The following DDRGK1 variants were observed in gnomAD, a reference collection of about 807,000 sequenced individuals.
DDRGK1 encodes the protein DDRGK domain containing 1, also known as DDRGK domain-containing protein 1.
DDRGK1 carries 38 observed loss-of-function variants against 45.8 expected under a neutral mutation model. The observed-to-expected ratio is 0.83, with a 90% CI of 0.64 to 1.09. The LOEUF is 1.09. Among genes scored for constraint, DDRGK1 ranks in the 50% least tolerant of loss-of-function variants. DDRGK1 has a pLI of 0.00. For missense variants in DDRGK1, 403 were observed against 419.9 expected (o/e 0.96, Z 0.35); for synonymous variants, 171 against 168.7 (o/e 1.01, Z -0.11).
rs555096998 is a variant in DDRGK1, at chr20:3,203,335, G to C, written c.173C>G (p.Pro58Arg). The change falls in exon 2 of 9, where the codon CCG (proline) becomes CGG (arginine). Residue 58 changes from proline (P) to arginine (R), a missense_variant. Physicochemically the swap from Pro to Arg is moderately radical, Grantham distance 103. Coordinates refer to ENST00000354488, the MANE Select transcript of DDRGK1 (RefSeq NM_023935.3). ...GCGCCGAGGCCTGCCTCCAGCTCTC[G>C]GCTCCTCAGGCTCCAGGGGCCCAGG... is the stretch of plus-strand genomic sequence containing the variant. Reference protein sequence around the residue: ...AQPGPLEPEEPRAGGRPRRRR... With the variant: ...AQPGPLEPEERRAGGRPRRRR... 1.2e-6 allele frequency: 2 copies of C among 1,608,550 alleles called. No homozygotes were observed. Among genetic ancestry groups the C allele is most frequent in the Non-Finnish European group, 8.5e-7 (1 of 1,177,234 alleles).
At chr20:3,198,188 A>ACAAGGT (rs2067020115) in intron 4 of DDRGK1, among the ~76,000 whole-genome samples, 1 of 150,782 alleles carries the variant, frequency 6.6e-6, no homozygotes, top group South Asian at 2.1e-4. Context: ...CAGGAGGATC[A>ACAAGGT]CAAGGTCAAG....
At chr20:3,200,926 T>TGC (rs1568501412) in intron 2 of DDRGK1, among the ~76,000 whole-genome samples, 1 of 152,056 alleles carries the variant, frequency 6.6e-6, no homozygotes, top group Non-Finnish European at 1.5e-5. Flanking sequence ...CTGGCTAACA[T>TGC]GGTGAAACCT....
intron 4 of DDRGK1, among the ~76,000 whole-genome samples, chr20:3,199,146 C>G (rs1009894900): frequency 6.6e-6 from 1 of 151,942 alleles, no homozygotes; most frequent in Non-Finnish European, 1.5e-5. Flanking sequence ...CGGAGCAAGA[C>G]CCTGTCTTAA....
Position 3,195,363 on chromosome 20 carries a change from T to C in DDRGK1, c.511-10A>G, listed in dbSNP as rs2295552. 677,768 of 1,582,470 alleles carry C rather than the reference T, an allele frequency of 0.43. 146,595 individuals are homozygous for C. The highest frequency in any genetic ancestry group is 0.47 in the South Asian group (39,779 of 85,420). Reference sequence around the variant, plus strand: ...TCCTCTCCTCCTCCTCCTGTGGACATAGGAGGCAAAAGTCAGGTATCGGGG... The same window carrying C: ...TCCTCTCCTCCTCCTCCTGTGGACACAGGAGGCAAAAGTCAGGTATCGGGG... On this transcript the variant is annotated splice_polypyrimidine_tract_variant and intron_variant, in intron 4 of 8. Transcript: ENST00000354488.
intron 4 of DDRGK1, among the ~76,000 whole-genome samples, chr20:3,196,646 A>C (rs555169722): frequency 6.6e-6 from 1 of 152,128 alleles, no homozygotes; most frequent in East Asian, 1.9e-4. Context: ...GTGCCACTGC[A>C]CTCCAGCCTG....
chr20:3,199,920 G>A, intron 4 of DDRGK1, 81 bp downstream of exon 4: 1 of 1,314,082 alleles, frequency 7.6e-7, no homozygotes. Flanking sequence ...CTTCTAGGTT[G>A]GAGGTGCCAG....
intron 4 of DDRGK1, among the ~76,000 whole-genome samples, chr20:3,197,927 A>AG (rs1408773426): frequency 1.3e-5 from 2 of 150,972 alleles, no homozygotes. Flanking sequence ...ATCTCAAAAA[A>AG]AAAAAAAAAA....
chr20:3,194,929 A>G (rs2067003521), intron 5 of DDRGK1, 61 bp from the exon 6 acceptor site: 2 of 1,596,980 alleles, frequency 1.3e-6, no homozygotes, highest in African/African-American at 2.7e-5. Flanking sequence ...TTCTGTACCC[A>G]TTCACCCAAG....
At chr20:3,191,030 T>A (rs1408824071) in intron 8 of DDRGK1, among the ~76,000 whole-genome samples, 160 bp downstream of exon 8, 1 of 152,182 alleles carries the variant, frequency 6.6e-6, no homozygotes. Flanking sequence ...GGCCCTGGCA[T>A]GTCCTCCTTG....
chr20:3,195,443 G>T, intron 4 of DDRGK1, 90 bp from the exon 5 acceptor site: 1 of 1,487,464 alleles, frequency 6.7e-7, no homozygotes, highest in Non-Finnish European at 8.9e-7. Context: ...GGACACCAGA[G>T]CATATAGCCC....
chr20:3,191,389 G>A, intron 7 of DDRGK1, 151 bp from the exon 8 acceptor site: 1 of 828,438 alleles, frequency 1.2e-6, no homozygotes, highest in Non-Finnish European at 2.0e-6. Flanking sequence ...GAAGGGCCCT[G>A]GGTAGAAGGG....
chr20:3,200,400 AT>A lies in DDRGK1; in HGVS notation c.349del (p.Ile117LeufsTer74). 6.3e-7 allele frequency: 1 copy of A among 1,584,254 alleles called. No individual in the cohort carries two copies. The highest frequency in any genetic ancestry group is 8.6e-7 in the Non-Finnish European group (1 of 1,164,898). On this transcript the variant is annotated frameshift_variant, in exon 3 of 9. Transcript: ENST00000354488. LOFTEE classifies it high-confidence loss of function. ...KPAETHLSGKIGAKKLRKLEE... is the reference protein window; with the variant it reads ...KPAETHLSGKXGAKKLRKLEE... ...CAGCTTCCGCAGTTTCTTAGCTCCA[AT>A]TTTCCCCGACAGGTGAGTTTCCGCT...
Position 3,190,851 on chromosome 20 carries a change from C to T in DDRGK1, c.779-32G>A, listed in dbSNP as rs750123184. ...GGACATGCAGGTTGTGGGGCTGAGGCCTCCTGGGCGTTCCCCATCTGGCCT... is the reference window on the plus strand; with the variant it reads ...GGACATGCAGGTTGTGGGGCTGAGGTCTCCTGGGCGTTCCCCATCTGGCCT... On this transcript the variant is annotated intron_variant, in intron 8 of 8. Transcript: ENST00000354488. 2.1e-5 allele frequency: 34 copies of T among 1,587,200 alleles called. No homozygotes were observed. In the East Asian group the frequency reaches 7.7e-4, roughly 36 times the overall value.
chr20:3,196,461 A>G (rs2067010090), intron 4 of DDRGK1, among the ~76,000 whole-genome samples: 2 of 151,302 alleles, frequency 1.3e-5, no homozygotes, highest in Admixed American at 1.3e-4. Context: ...GCGGATCACG[A>G]GGTCAGGAGA....
chr20:3,202,854 C>T lies in DDRGK1; in HGVS notation c.295+359G>A, dbSNP rs146942919. On this transcript the variant is annotated intron_variant, in intron 2 of 8. Coordinates refer to ENST00000354488, the MANE Select transcript of DDRGK1 (RefSeq NM_023935.3). Reference sequence around the variant, plus strand: ...TTTCCTGGGGTTGTGGGTGACCCCACTCCAGGAACTGCAGAAACTCTTGGC... The same window carrying T: ...TTTCCTGGGGTTGTGGGTGACCCCATTCCAGGAACTGCAGAAACTCTTGGC... Among the ~76,000 whole-genome samples the T allele has an allele frequency of 2.1e-3, 324 of 152,286 alleles. 1 individual carries two copies. Among genetic ancestry groups the T allele is most frequent in the African/African-American group, 7.0e-3 (290 of 41,528 alleles).
At position 3,200,399 on chromosome 20, in the gene DDRGK1, A is replaced by G. The variant is rs1355562913; in HGVS notation, c.351T>C (p.Ile117=). ...KPAETHLSGK[I]GAKKLRKLEE... ...CCAGCTTCCGCAGTTTCTTAGCTCC[A>G]ATTTTCCCCGACAGGTGAGTTTCCG... The change falls in exon 3 of 9, where the codon ATT becomes ATC. Residue 117 remains isoleucine, a synonymous_variant. Coordinates refer to ENST00000354488, the MANE Select transcript of DDRGK1 (RefSeq NM_023935.3). 2 of 1,584,578 alleles carry G rather than the reference A, an allele frequency of 1.3e-6. No homozygotes were observed. The highest frequency in any genetic ancestry group is 1.8e-5 in the Admixed American group (1 of 55,676).
Position 3,200,424 on chromosome 20 carries a change from G to T in DDRGK1, c.326C>A (p.Ala109Glu), listed in dbSNP as rs769792411. 2.3e-5 allele frequency: 37 copies of T among 1,581,890 alleles called. No individual in the cohort carries two copies. Among genetic ancestry groups the T allele is most frequent in the Non-Finnish European group, 3.1e-5 (36 of 1,163,442 alleles). The change falls in exon 3 of 9, where the codon GCG becomes GAG. Residue 109 changes from alanine to glutamate, a missense_variant. By Grantham distance (107) the Ala-to-Glu change is moderately radical. Coordinates refer to ENST00000354488, the MANE Select transcript of DDRGK1 (RefSeq NM_023935.3). ...AATTTTCCCCGACAGGTGAGTTTCCGCTGGCTTCTCGACACCTTCCTCCTC... is the reference window on the plus strand; with the variant it reads ...AATTTTCCCCGACAGGTGAGTTTCCTCTGGCTTCTCGACACCTTCCTCCTC... ...AQEEEGVEKPAETHLSGKIGA... is the reference protein window; with the variant it reads ...AQEEEGVEKPEETHLSGKIGA...
rs565460897 is a variant in DDRGK1, at chr20:3,191,808, A to G, written c.686T>C (p.Val229Ala). 1 of 1,608,298 alleles carries G rather than the reference A, an allele frequency of 6.2e-7. No individual in the cohort carries two copies. Among genetic ancestry groups the G allele is most frequent in the South Asian group, 1.1e-5 (1 of 89,644 alleles). ...FINYIKQSKV[V>A]LLEDLASQVG... ...CTGGGAAGCCAGGTCTTCCAAGAGC[A>G]CAACCTTGGACTGCTACAAAAAGAA... Residue 229 changes from valine (V) to alanine (A), a missense_variant, in exon 7 of 9, where the codon GTG becomes GCG. Val to Ala is a moderately conservative substitution (Grantham distance 64). Transcript: ENST00000354488.
chr20:3,199,879 G>A (rs2122238359), intron 4 of DDRGK1, 122 bp downstream of exon 4: 2 of 860,946 alleles, frequency 2.3e-6, no homozygotes, highest in South Asian at 3.8e-5. Context: ...AATAAACCAG[G>A]ACCTGCCCTT....
Sources: allele counts gnomAD v4.1 joint callset (sites outside exome capture counted in the v4.1 genomes callset), GRCh38; gene constraint gnomAD v4.1.1; transcripts MANE v1.5; gene names NCBI Gene and HGNC (gene_info 2026-07-23, HGNC 2026-07-21).